The following NAA35 variants were observed in gnomAD, a reference collection of about 807,000 sequenced individuals.
NAA35 encodes the protein MAK10 homolog, amino-acid N-acetyltransferase subunit.
Under a neutral mutation model 101.7 loss-of-function variants are expected in NAA35, and 18 were observed. The observed-to-expected ratio is 0.18, with a 90% CI of 0.12 to 0.26. NAA35 has a LOEUF of 0.26. NAA35 is among the 10% of genes least tolerant of loss of function. NAA35 has a pLI of 1.00. For missense variants in NAA35, 601 were observed against 886.8 expected (o/e 0.68, Z 4.09); for synonymous variants, 267 against 273.1 (o/e 0.98, Z 0.22).
chr9:85,978,929 G>A lies in NAA35; in HGVS notation c.877+548G>A, dbSNP rs188057932. Among the ~76,000 whole-genome samples the A allele has an allele frequency of 1.3e-3, 191 of 152,292 alleles. 4 individuals are homozygous for A. In the South Asian group the frequency reaches 0.033, roughly 27 times the overall value. On this transcript the variant is annotated intron_variant, in intron 11 of 22. Transcript: ENST00000361671. ...CCAGGAATAAGCAAAGACAGCTTGT[G>A]AGGTTAGAAGCAAGATGGAGTCAGC... is the stretch of plus-strand genomic sequence containing the variant.
At chr9:85,947,607 T>C (rs1828827406) in intron 2 of NAA35, among the ~76,000 whole-genome samples, 1 of 152,246 alleles carries the variant, frequency 6.6e-6, no homozygotes, top group Non-Finnish European at 1.5e-5. Context: ...GGGGCATTAA[T>C]GTCTTGAGAC....
At chr9:85,980,333 C>G (rs1056120669) in intron 11 of NAA35, among the ~76,000 whole-genome samples, 2 of 149,962 alleles carry the variant, frequency 1.3e-5, no homozygotes, top group Non-Finnish European at 2.9e-5. Context: ...CCTTCAGCCT[C>G]TCTCCCATCC....
intron 6 of NAA35, among the ~76,000 whole-genome samples, chr9:85,966,228 A>C (rs957123193): frequency 6.6e-6 from 1 of 152,192 alleles, no homozygotes; most frequent in East Asian, 1.9e-4. Context: ...GCTGTGAGCC[A>C]CCACACCTGA....
At chr9:85,958,637 G>A (rs1829378284) in intron 4 of NAA35, 51 bp downstream of exon 4, 2 of 1,179,052 alleles carry the variant, frequency 1.7e-6, no homozygotes, top group Non-Finnish European at 2.5e-6. Context: ...GTTACTTCCT[G>A]TTAAAACATG....
At chr9:85,952,565 G>A (rs1254324490) in intron 2 of NAA35, among the ~76,000 whole-genome samples, 2 of 152,064 alleles carry the variant, frequency 1.3e-5, no homozygotes, top group Admixed American at 6.6e-5. Flanking sequence ...GATTATAGGC[G>A]TGAGCCATTG....
chr9:85,954,297 G>A (rs1229446467), intron 2 of NAA35, among the ~76,000 whole-genome samples: 1 of 152,156 alleles, frequency 6.6e-6, no homozygotes, highest in Admixed American at 6.5e-5. Flanking sequence ...TGCTCAGGCT[G>A]GTCTTGAACT....
chr9:85,956,369 T>A lies in NAA35; in HGVS notation c.134T>A (p.Leu45Ter). 7.2e-7 allele frequency: 1 copy of A among 1,394,510 alleles called. No homozygotes were observed. The highest frequency in any genetic ancestry group is 9.8e-7 in the Non-Finnish European group (1 of 1,025,340). The allele number at this position is 1,394,510 out of a possible 1,614,324, so 86.4% of individuals were successfully genotyped here. A position where few individuals can be genotyped will look rare whatever the true frequency, so the allele number is the denominator to read the frequency against. Residue 45 changes from leucine (L) to a stop codon, truncating the protein, a stop_gained, in exon 3 of 23, where the codon TTG becomes TAG. Coordinates refer to ENST00000361671, the MANE Select transcript of NAA35 (RefSeq NM_024635.4). LOFTEE classifies it high-confidence loss of function. ...DFEEACRELK[L>*]GELLHDKLFG... ...CTCTTTTTTTTTTTAGAATTAAAGT[T>A]GGGAGAACTACTTCATGATAAGCTG... is the stretch of plus-strand genomic sequence containing the variant.
chr9:86,015,879 A>T (rs540479108), intron 17 of NAA35: 8 of 594,210 alleles, frequency 1.3e-5, no homozygotes, highest in African/African-American at 2.0e-5. Context: ...CACATTTTGT[A>T]GGGTGGCAGG....
intron 11 of NAA35, among the ~76,000 whole-genome samples, chr9:85,984,041 A>ATCACTTAACT: frequency 6.6e-6 from 1 of 151,806 alleles, no homozygotes; most frequent in Admixed American, 6.6e-5. Context: ...AAAAAAAAAA[A>ATCACTTAACT]ATCACTGGAT....
chr9:85,956,568 T>C (rs1297907245), intron 3 of NAA35, among the ~76,000 whole-genome samples, 175 bp downstream of exon 3: 1 of 152,168 alleles, frequency 6.6e-6, no homozygotes, highest in East Asian at 1.9e-4. Context: ...CAGCTGACCC[T>C]AGTTGTGATG....
At chr9:85,957,980 T>C (rs1169856080) in intron 3 of NAA35, among the ~76,000 whole-genome samples, 1 of 151,904 alleles carries the variant, frequency 6.6e-6, no homozygotes, top group African/African-American at 2.4e-5. Flanking sequence ...TCACTCTTGT[T>C]GCCCAGGCTG....
At chr9:85,981,819 A>G (rs1830451304) in intron 11 of NAA35, among the ~76,000 whole-genome samples, 1 of 152,178 alleles carries the variant, frequency 6.6e-6, no homozygotes. Context: ...TGCCTTCTTA[A>G]TGTCTATTCT....
At chr9:85,948,888 G>C (rs1277797627) in intron 2 of NAA35, among the ~76,000 whole-genome samples, 1 of 151,986 alleles carries the variant, frequency 6.6e-6, no homozygotes, top group Non-Finnish European at 1.5e-5. Flanking sequence ...CTCCCGGGTA[G>C]CAGGGATTAC....
intron 6 of NAA35, among the ~76,000 whole-genome samples, chr9:85,964,211 A>G (rs189125729): frequency 2.4e-4 from 37 of 151,570 alleles, no homozygotes; most frequent in Admixed American, 2.2e-3. Context: ...CAAAGAACAT[A>G]TGATTCGTAT....
At chr9:85,990,077 A>G (rs1210014139) in intron 11 of NAA35, among the ~76,000 whole-genome samples, 3 of 152,208 alleles carry the variant, frequency 2.0e-5, no homozygotes, top group African/African-American at 4.8e-5. Context: ...GCAGCCTGGG[A>G]ATTTCAAGAT....
chr9:85,986,066 T>C (rs1036126878), intron 11 of NAA35, among the ~76,000 whole-genome samples: 1 of 152,136 alleles, frequency 6.6e-6, no homozygotes, highest in South Asian at 2.1e-4. Context: ...CTGAGCACCA[T>C]GTATGGACAA....
intron 5 of NAA35, 91 bp downstream of exon 5, chr9:85,959,958 T>G: frequency 2.3e-6 from 2 of 880,018 alleles, no homozygotes; most frequent in Non-Finnish European, 3.6e-6. Context: ...ATGTTGAGTA[T>G]GAAATAAATG....
At chr9:85,965,863 G>A (rs1411859601) in intron 6 of NAA35, among the ~76,000 whole-genome samples, 3 of 152,074 alleles carry the variant, frequency 2.0e-5, no homozygotes, top group Admixed American at 6.5e-5. Flanking sequence ...ACACTTGTTT[G>A]CACTGTTGGG....
intron 12 of NAA35, among the ~76,000 whole-genome samples, chr9:86,002,946 G>C (rs1467175637): frequency 6.6e-6 from 1 of 151,886 alleles, no homozygotes; most frequent in Non-Finnish European, 1.5e-5. Flanking sequence ...TTCTTGCCTA[G>C]GTTCTTTCTC....
Sources: gnomAD v4.1 joint callset for allele counts (sites outside exome capture counted in the v4.1 genomes callset) on GRCh38, gnomAD v4.1.1 for gene constraint, MANE v1.5 for transcripts, NCBI Gene and HGNC (gene_info 2026-07-23, HGNC 2026-07-21) for gene names.